The following ITGAX variants were observed in gnomAD, a reference collection of about 807,000 sequenced individuals.
ITGAX encodes integrin alpha-X.
Under a neutral mutation model 140.2 loss-of-function variants are expected in ITGAX, and 99 were observed. That is an observed-to-expected ratio of 0.71 (90% CI 0.60 to 0.83). ITGAX has a LOEUF of 0.83. ITGAX is among the 40% of genes least tolerant of loss of function. The pLI is 0.00. For missense variants in ITGAX, 1,444 were observed against 1,482.0 expected (o/e 0.97, Z 0.42); for synonymous variants, 631 against 600.4 (o/e 1.05, Z -0.75).
chr16:31,355,269 G>C lies in ITGAX; in HGVS notation c.15G>C (p.Arg5Ser), dbSNP rs201174290. 1.5e-4 allele frequency: 242 copies of C among 1,613,742 alleles called. 1 individual carries two copies. The highest frequency in any genetic ancestry group is 4.9e-4 in the Middle Eastern group (3 of 6,082). MTRT[R>S]AALLLFTALA... is the part of the protein sequence containing the mutation. ...ACCTTCTAGTCATGACCAGGACCAG[G>C]GCAGCACTCCTCCTGTTCACAGGTG... Residue 5 changes from arginine (R) to serine (S), a missense_variant, in exon 1 of 30, where the codon AGG (arginine) becomes AGC (serine). Coordinates refer to ENST00000268296, the MANE Select transcript of ITGAX (RefSeq NM_000887.5).
rs138213183 is a variant in ITGAX at position 31,373,354 on chromosome 16, C to G, written c.2472C>G (p.Pro824=). ...GAACCACCATCACCTTCTCCCACCC[C>G]GCAGGACTGTCCTACCGCTACGTGG... ...SYGTTITFSH[P]AGLSYRYVAE... Residue 824 remains proline, a synonymous_variant, in exon 20 of 30, where the codon CCC becomes CCG. Coordinates refer to ENST00000268296, the MANE Select transcript of ITGAX (RefSeq NM_000887.5). The G allele has an allele frequency of 6.2e-7, 1 of 1,613,458 alleles. No homozygotes were observed. Among genetic ancestry groups the G allele is most frequent in the Non-Finnish European group, 8.5e-7 (1 of 1,179,964 alleles).
rs779393714 is a variant in ITGAX at position 31,359,841 on chromosome 16, G to C, written c.561+11G>C. 1.7e-5 allele frequency: 27 copies of C among 1,613,974 alleles called. No individual in the cohort carries two copies. In the East Asian group the frequency reaches 2.0e-4, roughly 12 times the overall value. On this transcript the variant is annotated intron_variant, in intron 6 of 29. Coordinates refer to ENST00000268296, the MANE Select transcript of ITGAX (RefSeq NM_000887.5). ...AGACCCAGCACCCAGGTGTGCCTTTGGGGGAGGGAGGCTGCTGGGGGTGGG... is the reference window on the plus strand; with the variant it reads ...AGACCCAGCACCCAGGTGTGCCTTTCGGGGAGGGAGGCTGCTGGGGGTGGG...
intron 8 of ITGAX, 185 bp from the exon 9 acceptor site, chr16:31,360,878 G>A (rs1213456924): frequency 1.7e-6 from 1 of 592,848 alleles, no homozygotes; most frequent in Non-Finnish European, 2.9e-6. Flanking sequence ...TGAAAACTCT[G>A]CCCCAGACTG....
chr16:31,380,483 C>A (rs750770617), intron 27 of ITGAX, 40 bp from the exon 28 acceptor site: 1 of 1,612,798 alleles, frequency 6.2e-7, no homozygotes, highest in Non-Finnish European at 8.5e-7. Context: ...TGAGCCTCCC[C>A]CAGAGCCAGT....
chr16:31,361,279 C>A (rs909914772), intron 9 of ITGAX, 66 bp downstream of exon 9: 6 of 1,517,932 alleles, frequency 4.0e-6, no homozygotes, highest in African/African-American at 2.8e-5. Context: ...ACTTAGAACC[C>A]GAGGCTCCGT....
Position 31,361,147 on chromosome 16 carries a change from G to C in ITGAX, c.946G>C (p.Val316Leu). 9 of 1,613,776 alleles carry C rather than the reference G, an allele frequency of 5.6e-6. No homozygotes were observed. Among genetic ancestry groups the C allele is most frequent in the Non-Finnish European group, 7.6e-6 (9 of 1,179,866 alleles). ...SKPSQEHIFK[V>L]EDFDALKDIQ... ...GCCCTCCCAGGAACACATATTTAAAGTGGAGGACTTTGATGCTCTGAAAGA... is the reference window on the plus strand; with the variant it reads ...GCCCTCCCAGGAACACATATTTAAACTGGAGGACTTTGATGCTCTGAAAGA... The change falls in exon 9 of 30, where the codon GTG becomes CTG. Residue 316 changes from valine (V) to leucine (L), a missense_variant. By Grantham distance (32) the Val-to-Leu change is conservative. Coordinates refer to ENST00000268296, the MANE Select transcript of ITGAX (RefSeq NM_000887.5).
chr16:31,365,026 A>T (rs61140497), intron 14 of ITGAX, among the ~76,000 whole-genome samples: 2,429 of 152,108 alleles, frequency 0.016, 55 homozygotes, highest in African/African-American at 0.056. Context: ...TCTCGAACAA[A>T]CAAACAAACA....
rs776910782 is a variant in ITGAX, at chr16:31,361,904, A to G, written c.1081A>G (p.Thr361Ala). 6.8e-6 allele frequency: 11 copies of G among 1,614,034 alleles called. No individual in the cohort carries two copies. Among genetic ancestry groups the G allele is most frequent in the Non-Finnish European group, 9.3e-6 (11 of 1,179,996 alleles). The change falls in exon 10 of 30, where the codon ACA becomes GCA. Residue 361 changes from threonine to alanine, a missense_variant. Thr to Ala is a moderately conservative substitution (Grantham distance 58, BLOSUM62 0). Coordinates refer to ENST00000268296, the MANE Select transcript of ITGAX (RefSeq NM_000887.5). Reference sequence around the variant, plus strand: ...ACAGGAGGGCTTCAGCGCTGTGTTCACACCTGTGAGTGGGGCCCCTTAGGC... The same window carrying G: ...ACAGGAGGGCTTCAGCGCTGTGTTCGCACCTGTGAGTGGGGCCCCTTAGGC... ...MAQEGFSAVF[T>A]PDGPVLGAVG...
At position 31,376,856 on chromosome 16, in the gene ITGAX, C is replaced by G. The variant is rs1244162499; in HGVS notation, c.2566C>G (p.Gln856Glu). ...LTCDSAPVGS[Q>E]GTWSTSCRIN... ...ATGTGACAGCGCCCCAGTTGGGAGCCAGGGCACCTGGAGCACCAGCTGCAG... is the reference window on the plus strand; with the variant it reads ...ATGTGACAGCGCCCCAGTTGGGAGCGAGGGCACCTGGAGCACCAGCTGCAG... Residue 856 changes from glutamine (Q) to glutamate (E), a missense_variant, in exon 21 of 30, where the codon CAG becomes GAG. By Grantham distance (29) the Gln-to-Glu change is conservative. Coordinates refer to ENST00000268296, the MANE Select transcript of ITGAX (RefSeq NM_000887.5). 2.5e-6 allele frequency: 4 copies of G among 1,614,202 alleles called. No individual in the cohort carries two copies. The East Asian group carries it at 6.7e-5, about 27-fold the overall frequency.
intron 17 of ITGAX, 36 bp from the exon 18 acceptor site, chr16:31,372,342 C>A: frequency 6.3e-7 from 1 of 1,580,740 alleles, no homozygotes. Context: ...CTTACCCTCC[C>A]CTTACCCTCC....
chr16:31,359,895 C>T (rs1423198858), intron 6 of ITGAX, 25 bp from the exon 7 acceptor site: 8 of 1,613,758 alleles, frequency 5.0e-6, no homozygotes, highest in Non-Finnish European at 6.8e-6. Context: ...ATGGCCTCAG[C>T]CCCAGCCCTG....
rs532966793 is a variant in ITGAX at position 31,372,790 on chromosome 16, G to T, written c.2366+120G>T. Reference sequence around the variant, plus strand: ...CTATAGTCAAAACCCAGGTGTCTTGGCTGGGCACAGTGGCTCACGCCTGTA... The same window carrying T: ...CTATAGTCAAAACCCAGGTGTCTTGTCTGGGCACAGTGGCTCACGCCTGTA... On this transcript the variant is annotated intron_variant, in intron 19 of 29. Coordinates refer to ENST00000268296, the MANE Select transcript of ITGAX (RefSeq NM_000887.5). The T allele has an allele frequency of 1.8e-4, 181 of 1,002,876 alleles. 1 individual carries two copies. The South Asian group carries it at 2.5e-3, about 14-fold the overall frequency. 62.1% of individuals were successfully genotyped at this position (1,002,876 alleles called of 1,614,324 possible).
chr16:31,356,730 T>C lies in ITGAX; in HGVS notation c.247+2T>C. 1 of 1,573,388 alleles carries C rather than the reference T, an allele frequency of 6.4e-7. No individual in the cohort carries two copies. The highest frequency in any genetic ancestry group is 8.6e-7 in the Non-Finnish European group (1 of 1,159,940). Reference sequence around the variant, plus strand: ...CCTGTGAGCCCATCGGCCTGCAGGGTGAGTCACCGCCCCTCCCGGGACCCA... The same window carrying C: ...CCTGTGAGCCCATCGGCCTGCAGGGCGAGTCACCGCCCCTCCCGGGACCCA... On this transcript the variant is annotated splice_donor_variant, in intron 3 of 29. Transcript: ENST00000268296. LOFTEE classifies it high-confidence loss of function.
chr16:31,357,376 G>T lies in ITGAX; in HGVS notation c.430+12G>T, dbSNP rs1269265232. The T allele has an allele frequency of 5.1e-6, 8 of 1,565,262 alleles. No homozygotes were observed. In the Admixed American group the frequency reaches 1.4e-4, roughly 28 times the overall value. On this transcript the variant is annotated intron_variant, in intron 5 of 29. Transcript: ENST00000268296. ...GGTGTCCAGGCAGGGTGAGTGTCGG[G>T]ACCACCAAGGCTTTGAGGAGCTCAC...
intron 5 of ITGAX, chr16:31,357,638 G>C (rs560422089): frequency 2.1e-6 from 1 of 485,908 alleles, no homozygotes; most frequent in African/African-American, 2.0e-5. Flanking sequence ...AAGCAACACA[G>C]GATGATTCAT....
intron 19 of ITGAX, among the ~76,000 whole-genome samples, chr16:31,373,035 G>T (rs1408154299): frequency 6.6e-6 from 1 of 152,082 alleles, no homozygotes; most frequent in Non-Finnish European, 1.5e-5. Context: ...GGAGGCTGCA[G>T]TGAGCCATAA....
chr16:31,371,549 T>C, intron 16 of ITGAX, 52 bp downstream of exon 16: 1 of 1,609,464 alleles, frequency 6.2e-7, no homozygotes, highest in Non-Finnish European at 8.5e-7. Flanking sequence ...GAGTCCCCCA[T>C]CCCAGGCCCC....
chr16:31,359,391 C>G (rs997477751), intron 5 of ITGAX, among the ~76,000 whole-genome samples: 1 of 151,968 alleles, frequency 6.6e-6, no homozygotes, highest in Non-Finnish European at 1.5e-5. Flanking sequence ...GTCTCGATCT[C>G]CTGACCTCGT....
intron 14 of ITGAX, among the ~76,000 whole-genome samples, chr16:31,368,618 AT>A (rs1409662349): frequency 3.5e-5 from 5 of 143,988 alleles, no homozygotes; most frequent in East Asian, 4.0e-4. Flanking sequence ...TTTATTTTTT[AT>A]TTTTTTTATT....
Sources: allele counts gnomAD v4.1 joint callset (sites outside exome capture counted in the v4.1 genomes callset), GRCh38; gene constraint gnomAD v4.1.1; transcripts MANE v1.5; gene names NCBI Gene and HGNC (gene_info 2026-07-23, HGNC 2026-07-21).